Variants in MRPS6 observed in about 807,000 individuals in gnomAD.
MRPS6 encodes small ribosomal subunit protein bS6m.
MRPS6 carries 6 observed loss-of-function variants against 13.1 expected under a neutral mutation model. That is an observed-to-expected ratio of 0.46 (90% CI 0.25 to 0.91). MRPS6 has a LOEUF of 0.91. Among genes scored for constraint, MRPS6 ranks in the 40% least tolerant of loss-of-function variants. The pLI is 0.18. For missense variants in MRPS6, 164 were observed against 155.6 expected (o/e 1.05, Z -0.29); for synonymous variants, 61 against 56.5 (o/e 1.08, Z -0.36).
chr21:34,076,579 G>A (rs528230346), intron 1 of MRPS6, among the ~76,000 whole-genome samples: 3 of 152,288 alleles, frequency 2.0e-5, no homozygotes, highest in African/African-American at 7.2e-5. Flanking sequence ...TAGTTAACTA[G>A]TGTTTCTAAG....
At chr21:34,125,103 A>C (rs112346877) in intron 1 of MRPS6, 4 of 540,404 alleles carry the variant, frequency 7.4e-6, no homozygotes, top group Non-Finnish European at 1.2e-5. Context: ...TGGTCCCTGA[A>C]CTCTCCGAAG....
In MRPS6 at chr21:34,129,924, T is replaced by C. The variant is rs573570963; in HGVS notation, c.185+4444T>C. ...GAAAATGTATGAGACCCAACAGATA[T>C]AAAAAGAAATGGGGCTTTTCCATGC... On this transcript the variant is annotated intron_variant, in intron 2 of 2. Transcript: ENST00000399312. 7.2e-5 allele frequency among the ~76,000 whole-genome samples: 11 copies of C among 152,272 alleles called. No individual in the cohort carries two copies. The South Asian group carries it at 2.3e-3, about 32-fold the overall frequency.
chr21:34,106,538 T>A (rs1304026868), intron 1 of MRPS6, among the ~76,000 whole-genome samples: 1 of 152,254 alleles, frequency 6.6e-6, no homozygotes, highest in Non-Finnish European at 1.5e-5. Flanking sequence ...ATAGGAAAGT[T>A]GTTAAGAATG....
chr21:34,125,347 A>G lies in MRPS6; in HGVS notation c.52A>G (p.Thr18Ala). ...AAAACACAAACAAAAACAGCCAGAG[A>G]CTGCTGCTACTTTGAAACGTACGAT... The part of the protein sequence containing the change: ...LILKAMQRPE[T>A]AATLKRTIEA... The change falls in exon 2 of 3, where the codon ACT becomes GCT. Residue 18 changes from threonine to alanine, a missense_variant. Transcript: ENST00000399312. The G allele has an allele frequency of 6.2e-7, 1 of 1,607,452 alleles. No individual in the cohort carries two copies. Among genetic ancestry groups the G allele is most frequent in the South Asian group, 1.1e-5 (1 of 89,198 alleles).
At position 34,101,929 on chromosome 21, in the gene MRPS6, A is replaced by G. The variant is rs1037309046; in HGVS notation, c.46-23412A>G. 5.0e-6 allele frequency: 5 copies of G among 1,000,074 alleles called. No individual in the cohort carries two copies. In the Admixed American group the frequency reaches 1.8e-4, roughly 37 times the overall value. The allele number at this position is 1,000,074 out of a possible 1,614,324, so 62.0% of individuals were successfully genotyped here. ...AGCCCCTTTGAAATGATGGTGTCAGAGTGCAGAGAAACAATGGAGTTTTGA... is the reference window on the plus strand; with the variant it reads ...AGCCCCTTTGAAATGATGGTGTCAGGGTGCAGAGAAACAATGGAGTTTTGA... On this transcript the variant is annotated intron_variant, in intron 1 of 2. Transcript: ENST00000399312.
intron 1 of MRPS6, among the ~76,000 whole-genome samples, chr21:34,116,735 C>T (rs1275715804): frequency 6.6e-6 from 1 of 152,030 alleles, no homozygotes; most frequent in Non-Finnish European, 1.5e-5. Flanking sequence ...TATTCAGTGC[C>T]GGCACAATGC....
chr21:34,107,392 G>A (rs1400225102), intron 1 of MRPS6, among the ~76,000 whole-genome samples: 2 of 152,218 alleles, frequency 1.3e-5, no homozygotes, highest in Non-Finnish European at 2.9e-5. Flanking sequence ...GGAGGCATTG[G>A]ATGTGTTGTC....
chr21:34,097,254 C>G, intron 1 of MRPS6: 1 of 1,613,964 alleles, frequency 6.2e-7, no homozygotes, highest in Non-Finnish European at 8.5e-7. Flanking sequence ...TGTTTGTTTA[C>G]AGATGCTAGA....
intron 1 of MRPS6, chr21:34,103,507 A>G (rs1225473909): frequency 7.0e-6 from 7 of 999,358 alleles, no homozygotes; most frequent in African/African-American, 3.5e-5. Flanking sequence ...GTTGATAGGT[A>G]TATCGAGAAC....
At chr21:34,097,093 C>T (rs1303069470) in intron 1 of MRPS6, 2 of 1,614,050 alleles carry the variant, frequency 1.2e-6, no homozygotes, top group Admixed American at 3.3e-5. Context: ...GACGCTTACT[C>T]CAATGGGCAA....
At position 34,142,494 on chromosome 21, in the gene MRPS6, G is replaced by A. The variant is rs1397957874; in HGVS notation, c.272G>A (p.Gly91Glu). 6.2e-7 allele frequency: 1 copy of A among 1,611,966 alleles called. No homozygotes were observed. Among genetic ancestry groups the A allele is most frequent in the African/African-American group, 1.3e-5 (1 of 74,754 alleles). Residue 91 changes from glycine (G) to glutamate (E), a missense_variant, in exon 3 of 3, where the codon GGG becomes GAG. Gly to Glu is a moderately conservative substitution (Grantham distance 98). Transcript: ENST00000399312. ...TCTCGAGATATAGATGTGATTAGAGGGAATATTGTCAAACACCCTCTGACC... is the reference window on the plus strand; with the variant it reads ...TCTCGAGATATAGATGTGATTAGAGAGAATATTGTCAAACACCCTCTGACC... ...HLSRDIDVIR[G>E]NIVKHPLTQE... is the part of the protein sequence containing the mutation.
At chr21:34,118,571 T>G (rs1341958852) in intron 1 of MRPS6, among the ~76,000 whole-genome samples, 3 of 151,154 alleles carry the variant, frequency 2.0e-5, no homozygotes, top group Non-Finnish European at 4.4e-5. Context: ...TTTTTTTTTT[T>G]TTTGAGACAG....
intron 1 of MRPS6, among the ~76,000 whole-genome samples, chr21:34,109,565 C>G (rs1979616515): frequency 6.6e-6 from 1 of 152,140 alleles, no homozygotes; most frequent in Non-Finnish European, 1.5e-5. Flanking sequence ...CAATGCAGAG[C>G]CCTCTTTTTT....
intron 2 of MRPS6, among the ~76,000 whole-genome samples, chr21:34,129,834 TC>T (rs1431614353): frequency 6.6e-6 from 1 of 152,196 alleles, no homozygotes; most frequent in Non-Finnish European, 1.5e-5. Flanking sequence ...CTTGGAGGTT[TC>T]TTTTTAGTGG....
chr21:34,096,794 C>T lies in MRPS6; in HGVS notation c.45+23049C>T. 2 of 1,614,038 alleles carry T rather than the reference C, an allele frequency of 1.2e-6. No homozygotes were observed. Among genetic ancestry groups the T allele is most frequent in the South Asian group, 1.1e-5 (1 of 91,078 alleles). ...TCATTACTGTAATTGTGAGCCTTCT[C>T]ACACCACCTCCCACAAAGGAACAGA... On this transcript the variant is annotated intron_variant, in intron 1 of 2. Transcript: ENST00000399312. The surrounding 1 kb of genome is among the most constrained non-coding windows in gnomAD (Gnocchi z 5.9).
intron 1 of MRPS6, chr21:34,098,328 A>G (rs1227264788): frequency 1.0e-6 from 1 of 1,000,070 alleles, no homozygotes; most frequent in Non-Finnish European, 1.2e-6. Context: ...ATGTCCAGAA[A>G]CCTGAAGAAA....
intron 1 of MRPS6, among the ~76,000 whole-genome samples, chr21:34,077,698 C>T (rs1016784893): frequency 3.9e-5 from 6 of 152,186 alleles, no homozygotes; most frequent in Non-Finnish European, 5.9e-5. Context: ...TTATATTTTA[C>T]ATTTAGATAA....
chr21:34,101,241 AT>A (rs1290664371), intron 1 of MRPS6: 1 of 1,000,150 alleles, frequency 1.0e-6, no homozygotes, highest in Non-Finnish European at 1.2e-6. Context: ...TTTTCATTAG[AT>A]TTAGAGCTTG....
chr21:34,125,782 G>A (rs538794055), intron 2 of MRPS6, among the ~76,000 whole-genome samples: 2 of 152,260 alleles, frequency 1.3e-5, no homozygotes, highest in South Asian at 2.1e-4. Context: ...TTTAACTTTT[G>A]CCTTTAAAAT....
Sources: gnomAD v4.1 joint callset for allele counts (sites outside exome capture counted in the v4.1 genomes callset) on GRCh38, gnomAD v4.1.1 for gene constraint, Gnocchi (gnomAD v3.1) non-coding constraint, MANE v1.5 for transcripts, NCBI Gene and HGNC (gene_info 2026-07-23, HGNC 2026-07-21) for gene names.